The following MAGI1 variants were observed in gnomAD, a reference collection of about 807,000 sequenced individuals.
MAGI1 encodes membrane associated guanylate kinase, WW and PDZ domain containing 1.
Under a neutral mutation model 139.9 loss-of-function variants are expected in MAGI1, and 58 were observed. The ratio of observed to expected loss-of-function variants is 0.41; its 90% CI spans 0.34 to 0.52. The LOEUF (loss-of-function observed/expected upper bound fraction) is 0.52. Among genes scored for constraint, MAGI1 ranks in the 20% least tolerant of loss-of-function variants. The pLI, the probability that MAGI1 is intolerant of heterozygous loss-of-function variation, is 0.12. For missense variants in MAGI1, 1,874 were observed against 1,901.6 expected (o/e 0.99, Z 0.27); for synonymous variants, 812 against 737.9 (o/e 1.10, Z -1.63).
intron 1 of MAGI1, among the ~76,000 whole-genome samples, chr3:65,853,588 C>G (rs1391546382): frequency 1.3e-5 from 2 of 152,128 alleles, no homozygotes; most frequent in Non-Finnish European, 2.9e-5. Context: ...TCCCCATTAA[C>G]TTAATATTAG....
intron 2 of MAGI1, among the ~76,000 whole-genome samples, chr3:65,600,602 AC>A (rs1469634333): frequency 6.6e-6 from 1 of 151,062 alleles, no homozygotes; most frequent in Admixed American, 6.6e-5. Context: ...CAAAATTAAA[AC>A]CAGTAGGTCC....
chr3:66,010,669 C>A (rs2067279186), intron 1 of MAGI1, among the ~76,000 whole-genome samples: 1 of 152,144 alleles, frequency 6.6e-6, no homozygotes, highest in Admixed American at 6.6e-5. Flanking sequence ...ATCCCAAACA[C>A]CCAAATTTTG....
At chr3:65,674,744 T>C (rs2087079042) in intron 1 of MAGI1, among the ~76,000 whole-genome samples, 1 of 152,202 alleles carries the variant, frequency 6.6e-6, no homozygotes, top group Non-Finnish European at 1.5e-5. Flanking sequence ...CGCTGTATAA[T>C]TCAGAACCTG....
chr3:65,549,096 G>T (rs1374043351), intron 2 of MAGI1, among the ~76,000 whole-genome samples: 1 of 152,130 alleles, frequency 6.6e-6, no homozygotes. Flanking sequence ...CTCGGGCCCT[G>T]CGCTCCGGGG....
intron 1 of MAGI1, among the ~76,000 whole-genome samples, chr3:65,708,715 C>CG (rs1553694988): frequency 4.6e-5 from 7 of 151,678 alleles, no homozygotes; most frequent in Admixed American, 3.3e-4. Context: ...AGAAAGAAAA[C>CG]GGGGGAAGGA....
intron 4 of MAGI1, among the ~76,000 whole-genome samples, chr3:65,476,700 T>G (rs1181712679): frequency 6.6e-6 from 1 of 152,218 alleles, no homozygotes; most frequent in African/African-American, 2.4e-5. Context: ...AGTCTTCTGT[T>G]TCTGTGACCA....
rs370122762 is a variant in MAGI1, at chr3:65,493,599, G to A, written c.463C>T (p.Pro155Ser). Residue 155 changes from proline (P) to serine (S), a missense_variant, in exon 3 of 23, where the codon CCT becomes TCT. Coordinates refer to ENST00000402939, the MANE Select transcript of MAGI1 (RefSeq NM_001033057.2). The stretch of plus-strand genomic sequence containing the variant: ...GTCAGAAAGTTATAGTCCACGCCAG[G>A]CACTTCTCCTTCTCTGGGAGATCGG... ...TTRSPREGEVPGVDYNFLTVK... is the reference protein window; with the variant it reads ...TTRSPREGEVSGVDYNFLTVK... 2.3e-5 allele frequency: 37 copies of A among 1,614,010 alleles called. No individual in the cohort carries two copies. Among genetic ancestry groups the A allele is most frequent in the Non-Finnish European group, 2.9e-5 (34 of 1,180,046 alleles).
chr3:65,918,378 C>CCTT lies in MAGI1; in HGVS notation c.313+119617_313+119618insAAG, dbSNP rs2062008561. On this transcript the variant is annotated intron_variant, in intron 1 of 22. Transcript: ENST00000402939. ...TGTGCATTATACTCTTGCTCCAAAACATTTTTTTTTTTTTTTTTTGTGAGA... is the reference window on the plus strand; with the variant it reads ...TGTGCATTATACTCTTGCTCCAAAACCTTATTTTTTTTTTTTTTTTTTGTGAGA... 7.8e-5 allele frequency among the ~76,000 whole-genome samples: 6 copies of CCTT among 76,510 alleles called. No homozygotes were observed. In the East Asian group the frequency reaches 3.3e-3, roughly 42 times the overall value. The allele number at this position is 76,510 out of a possible 152,430, so 50.2% of individuals were successfully genotyped here. A position where few individuals can be genotyped will look rare whatever the true frequency, so the allele number is the denominator to read the frequency against.
At chr3:65,633,590 C>T (rs1326335233) in intron 1 of MAGI1, among the ~76,000 whole-genome samples, 1 of 151,974 alleles carries the variant, frequency 6.6e-6, no homozygotes, top group South Asian at 2.1e-4. Flanking sequence ...AATTTCATCC[C>T]GCAGTGAGAA....
At chr3:65,494,945 T>C (rs1411905374) in intron 2 of MAGI1, among the ~76,000 whole-genome samples, 2 of 152,232 alleles carry the variant, frequency 1.3e-5, no homozygotes, top group East Asian at 1.9e-4. Flanking sequence ...AGGATGGTTA[T>C]AGTATAGATG....
intron 1 of MAGI1, among the ~76,000 whole-genome samples, chr3:65,707,111 A>G (rs2030449191): frequency 6.6e-6 from 1 of 152,200 alleles, no homozygotes; most frequent in Admixed American, 6.5e-5. Context: ...TAGTTACTGT[A>G]GATGTTGTAT....
At chr3:65,649,231 A>C (rs1422021249) in intron 1 of MAGI1, among the ~76,000 whole-genome samples, 2 of 151,946 alleles carry the variant, frequency 1.3e-5, no homozygotes, top group Non-Finnish European at 2.9e-5. Flanking sequence ...AAATACAAAA[A>C]ATTAGCCAGG....
At chr3:65,550,868 G>A (rs1284015231) in intron 2 of MAGI1, among the ~76,000 whole-genome samples, 1 of 152,152 alleles carries the variant, frequency 6.6e-6, no homozygotes, top group East Asian at 1.9e-4. Context: ...CTACTTGGGA[G>A]GCTGAGGTGA....
intron 12 of MAGI1, among the ~76,000 whole-genome samples, chr3:65,409,675 C>A (rs1286164030): frequency 1.3e-5 from 2 of 151,844 alleles, no homozygotes; most frequent in African/African-American, 4.8e-5. Context: ...CATCATAACC[C>A]CGTAGCATAA....
chr3:65,875,389 T>A (rs2060077715), intron 1 of MAGI1, among the ~76,000 whole-genome samples: 1 of 152,170 alleles, frequency 6.6e-6, no homozygotes, highest in African/African-American at 2.4e-5. Flanking sequence ...GGTATTTGAA[T>A]TATATCTTAA....
intron 1 of MAGI1, among the ~76,000 whole-genome samples, chr3:66,034,983 C>T (rs959971304): frequency 1.3e-5 from 2 of 152,260 alleles, no homozygotes; most frequent in Non-Finnish European, 2.9e-5. Flanking sequence ...GAGTGATTAA[C>T]ATGAGTGCAT....
chr3:65,360,726 A>G, intron 22 of MAGI1: 1 of 1,004,884 alleles, frequency 1.0e-6, no homozygotes, highest in African/African-American at 1.7e-5. Flanking sequence ...AAGGGAGGTT[A>G]GCAAAGCCCC....
At chr3:65,993,639 T>A (rs891374890) in intron 1 of MAGI1, among the ~76,000 whole-genome samples, 2 of 152,204 alleles carry the variant, frequency 1.3e-5, no homozygotes, top group African/African-American at 4.8e-5. Flanking sequence ...GAATGAAACT[T>A]GATCACAAGC....
At chr3:65,802,657 C>A (rs991219807) in intron 1 of MAGI1, among the ~76,000 whole-genome samples, 1 of 152,122 alleles carries the variant, frequency 6.6e-6, no homozygotes, top group Admixed American at 6.5e-5. Flanking sequence ...TTTGTTCATT[C>A]CTGTAACATC....
Sources: allele counts gnomAD v4.1 joint callset (sites outside exome capture counted in the v4.1 genomes callset), GRCh38; gene constraint gnomAD v4.1.1; transcripts MANE v1.5; gene names NCBI Gene and HGNC (gene_info 2026-07-23, HGNC 2026-07-21).